Variants in CNTN4 observed in about 807,000 individuals in gnomAD.
CNTN4 encodes contactin 4.
A neutral mutation model predicts 122.5 loss-of-function variants in CNTN4; 77 were observed. That is an observed-to-expected ratio of 0.63 (90% CI 0.52 to 0.76). The LOEUF is 0.76. CNTN4 is among the 30% of genes least tolerant of loss of function. The pLI is 0.00. For missense variants in CNTN4, 1,256 were observed against 1,259.1 expected, an observed-to-expected ratio of 1.00 and a Z score of 0.04; for synonymous variants, 512 against 447.0, an observed-to-expected ratio of 1.15 and a Z score of -1.83.
At chr3:2,515,226 G>C (rs541108262) in intron 3 of CNTN4, among the ~76,000 whole-genome samples, 1 of 152,188 alleles carries the variant, frequency 6.6e-6, no homozygotes, top group African/African-American at 2.4e-5. Flanking sequence ...AAGTTATGCT[G>C]CATATGTAAG....
chr3:2,566,182 T>C (rs528896379), intron 3 of CNTN4, among the ~76,000 whole-genome samples: 49 of 152,222 alleles, frequency 3.2e-4, no homozygotes, highest in African/African-American at 1.2e-3. Flanking sequence ...GAGAAAGGAG[T>C]CACCATCAGG....
intron 13 of CNTN4, 100 bp from the exon 14 acceptor site, chr3:2,988,245 A>G: frequency 1.8e-6 from 2 of 1,139,410 alleles, no homozygotes; most frequent in South Asian, 2.5e-5. Flanking sequence ...TAATGTAGCA[A>G]TGATTTATGG....
intron 7 of CNTN4, among the ~76,000 whole-genome samples, chr3:2,846,086 T>C (rs2093450993): frequency 6.6e-6 from 1 of 152,224 alleles, no homozygotes; most frequent in South Asian, 2.1e-4. Context: ...GATTCTCCTC[T>C]TGGAGATTTT....
chr3:2,173,233 G>C (rs1220084758), intron 2 of CNTN4, among the ~76,000 whole-genome samples: 5 of 152,182 alleles, frequency 3.3e-5, no homozygotes, highest in Non-Finnish European at 7.4e-5. Context: ...TGAGCAAACA[G>C]ACCATTTGGC....
At chr3:2,288,546 T>G (rs2042022672) in intron 2 of CNTN4, among the ~76,000 whole-genome samples, 1 of 152,230 alleles carries the variant, frequency 6.6e-6, no homozygotes, top group Admixed American at 6.5e-5. Flanking sequence ...ACATGAGATT[T>G]TGAGGAGACA....
chr3:2,299,702 A>C (rs1440677365), intron 2 of CNTN4, among the ~76,000 whole-genome samples: 2 of 152,148 alleles, frequency 1.3e-5, no homozygotes, highest in Non-Finnish European at 2.9e-5. Flanking sequence ...ACAACAGAAT[A>C]TTTCATGAAA....
intron 2 of CNTN4, among the ~76,000 whole-genome samples, chr3:2,229,343 G>A (rs1253773117): frequency 6.6e-6 from 1 of 152,162 alleles, no homozygotes; most frequent in Non-Finnish European, 1.5e-5. Context: ...AAGAGTGGTA[G>A]CAGAGGGAAC....
At chr3:2,104,140 TC>T (rs2032227923) in intron 2 of CNTN4, among the ~76,000 whole-genome samples, 1 of 152,128 alleles carries the variant, frequency 6.6e-6, no homozygotes, top group African/African-American at 2.4e-5. Context: ...CTCTTTACTT[TC>T]CCTGAGCCTC....
intron 4 of CNTN4, among the ~76,000 whole-genome samples, chr3:2,614,037 A>C (rs1012506129): frequency 4.3e-4 from 65 of 152,318 alleles, no homozygotes; most frequent in Middle Eastern, 3.4e-3. Context: ...GTGAGAAAAA[A>C]ATAGAATAAT....
At chr3:2,210,054 A>G (rs2038540541) in intron 2 of CNTN4, among the ~76,000 whole-genome samples, 1 of 152,098 alleles carries the variant, frequency 6.6e-6, no homozygotes, top group African/African-American at 2.4e-5. Context: ...TCAGTGTCTT[A>G]CAAAACTATT....
chr3:2,854,238 A>G (rs942350968), intron 7 of CNTN4, among the ~76,000 whole-genome samples: 4 of 151,250 alleles, frequency 2.6e-5, no homozygotes, highest in Admixed American at 2.6e-4. Flanking sequence ...GGCCATAATG[A>G]AAACTGGCAT....
chr3:2,875,389 G>T (rs915607060), intron 8 of CNTN4, among the ~76,000 whole-genome samples: 1 of 152,186 alleles, frequency 6.6e-6, no homozygotes, highest in Admixed American at 6.5e-5. Context: ...GAAATTTCTT[G>T]TAGTTCTAAT....
intron 2 of CNTN4, among the ~76,000 whole-genome samples, chr3:2,316,194 G>A (rs1001610504): frequency 5.3e-5 from 8 of 152,048 alleles, no homozygotes; most frequent in Non-Finnish European, 1.0e-4. Context: ...AATAACAGTA[G>A]AATATTTGGT....
chr3:2,203,807 T>C (rs2038218286), intron 2 of CNTN4, among the ~76,000 whole-genome samples: 2 of 152,088 alleles, frequency 1.3e-5, no homozygotes, highest in South Asian at 4.1e-4. Flanking sequence ...TGTATGATTG[T>C]CCAAACCAGA....
intron 2 of CNTN4, among the ~76,000 whole-genome samples, chr3:2,118,291 G>T (rs1186416091): frequency 2.6e-5 from 4 of 152,190 alleles, no homozygotes; most frequent in Non-Finnish European, 4.4e-5. Context: ...ATACCTGATT[G>T]TGAGCTAAAG....
chr3:2,872,844 C>T (rs2093802108), intron 8 of CNTN4, among the ~76,000 whole-genome samples: 1 of 152,004 alleles, frequency 6.6e-6, no homozygotes, highest in African/African-American at 2.4e-5. Context: ...TATTATACTT[C>T]AGTATAAAAT....
At chr3:2,458,687 G>A (rs537615588) in intron 3 of CNTN4, among the ~76,000 whole-genome samples, 14 of 152,188 alleles carry the variant, frequency 9.2e-5, no homozygotes, top group East Asian at 7.7e-4. Flanking sequence ...TAAGGATAAA[G>A]ACAAGCCAAA....
intron 12 of CNTN4, among the ~76,000 whole-genome samples, chr3:2,908,210 C>T (rs565529895): frequency 2.0e-5 from 3 of 152,226 alleles, no homozygotes; most frequent in South Asian, 2.1e-4. Context: ...ATCTTCTATA[C>T]GTAACTTAAA....
intron 4 of CNTN4, among the ~76,000 whole-genome samples, chr3:2,666,491 T>G: frequency 6.6e-6 from 1 of 152,244 alleles, no homozygotes; most frequent in South Asian, 2.1e-4. Flanking sequence ...TGTTGATTTT[T>G]CCAAAGTAAG....
Sources: allele counts gnomAD v4.1 joint callset (sites outside exome capture counted in the v4.1 genomes callset), GRCh38; gene constraint gnomAD v4.1.1; transcripts MANE v1.5; gene names NCBI Gene and HGNC (gene_info 2026-07-23, HGNC 2026-07-21).